BCAS2: variants seen among roughly 807,000 people sequenced by gnomAD.
BCAS2 encodes BCAS2 pre-mRNA processing factor.
BCAS2 carries 34 observed loss-of-function variants against 35.3 expected under a neutral mutation model. That is an observed-to-expected ratio of 0.96 (90% CI 0.73 to 1.28). The LOEUF is 1.28. Ranked by LOEUF, BCAS2 falls within the 50% of genes most tolerant of loss-of-function variation. The probability of loss-of-function intolerance (pLI) is 0.00; values close to 1 mark genes in which losing one functional copy is unlikely to be tolerated. For missense variants in BCAS2, 221 were observed against 268.1 expected (o/e 0.82, Z 1.23); for synonymous variants, 75 against 91.6 (o/e 0.82, Z 1.03).
chr1:114,569,925 C>A, intron 6 of BCAS2, 67 bp downstream of exon 6: 1 of 1,234,578 alleles, frequency 8.1e-7, no homozygotes, highest in South Asian at 1.3e-5. Flanking sequence ...CTATTTGAAT[C>A]ATATTATTGA....
At chr1:114,570,641 T>C (rs1484593707) in intron 5 of BCAS2, 59 bp downstream of exon 5, 1 of 1,171,168 alleles carries the variant, frequency 8.5e-7, no homozygotes, top group Non-Finnish European at 1.2e-6. Flanking sequence ...TTTCCTCCTA[T>C]TTTCTATTTA....
At chr1:114,578,347 C>A (rs1205382132) in intron 2 of BCAS2, among the ~76,000 whole-genome samples, 2 of 151,148 alleles carry the variant, frequency 1.3e-5, no homozygotes, top group South Asian at 2.1e-4. Flanking sequence ...AAAAAAAAAA[C>A]CAGGGCATTC....
chr1:114,572,312 C>T (rs1242149718), intron 4 of BCAS2, among the ~76,000 whole-genome samples: 1 of 152,196 alleles, frequency 6.6e-6, no homozygotes, highest in Non-Finnish European at 1.5e-5. Flanking sequence ...ACAATCACTC[C>T]ATGCTGAGCA....
intron 2 of BCAS2, among the ~76,000 whole-genome samples, chr1:114,578,087 G>A (rs1380153772): frequency 6.6e-6 from 1 of 152,164 alleles, no homozygotes; most frequent in Non-Finnish European, 1.5e-5. Context: ...GATACTCGGA[G>A]GCTGAGGCAG....
chr1:114,574,854 C>T (rs1654721739), intron 4 of BCAS2, among the ~76,000 whole-genome samples: 1 of 152,058 alleles, frequency 6.6e-6, no homozygotes, highest in Admixed American at 6.6e-5. Context: ...ACTTCCCCTA[C>T]CCATACTTTG....
intron 4 of BCAS2, among the ~76,000 whole-genome samples, chr1:114,574,080 G>A (rs1447658857): frequency 6.6e-6 from 1 of 152,142 alleles, no homozygotes; most frequent in African/African-American, 2.4e-5. Flanking sequence ...TTGCAAGCAA[G>A]GAATCTGAAT....
In BCAS2 at chr1:114,567,959, T is replaced by C; in HGVS notation, c.*171A>G. ...AATACCACCAAGCTAGACATTTTAA[T>C]TCTGTTGAGATATACAAATAGAATT... is the stretch of plus-strand genomic sequence containing the variant. On this transcript the variant is annotated 3_prime_UTR_variant, in exon 7 of 7. Transcript: ENST00000369541. The C allele has an allele frequency of 1.2e-6, 1 of 831,286 alleles. No homozygotes were observed. Among genetic ancestry groups the C allele is most frequent in the Non-Finnish European group, 1.8e-6 (1 of 551,470 alleles). 51.5% of individuals were successfully genotyped at this position (831,286 alleles called of 1,614,324 possible). A position where few individuals can be genotyped will look rare whatever the true frequency, so the allele number is the denominator to read the frequency against.
intron 2 of BCAS2, among the ~76,000 whole-genome samples, chr1:114,578,977 C>T (rs1026159798): frequency 6.6e-5 from 10 of 152,136 alleles, no homozygotes; most frequent in African/African-American, 2.2e-4. Flanking sequence ...ATATTACCAA[C>T]TATTACTAAG....
intron 3 of BCAS2, among the ~76,000 whole-genome samples, chr1:114,576,247 CTA>C (rs67885657): frequency 0.022 from 2,911 of 131,524 alleles, 51 homozygotes; most frequent in African/African-American, 0.045. Flanking sequence ...CTCTCTCTCT[CTA>C]TATATATATA....
At chr1:114,573,531 T>A (rs1156478811) in intron 4 of BCAS2, among the ~76,000 whole-genome samples, 1 of 152,164 alleles carries the variant, frequency 6.6e-6, no homozygotes, top group Non-Finnish European at 1.5e-5. Flanking sequence ...CGCCTGGCAA[T>A]GCCCCATCTC....
chr1:114,581,549 C>A lies in BCAS2; in HGVS notation c.43G>T (p.Ala15Ser), dbSNP rs142444370. 1.2e-5 allele frequency: 20 copies of A among 1,613,746 alleles called. No individual in the cohort carries two copies. Among genetic ancestry groups the A allele is most frequent in the Non-Finnish European group, 1.6e-5 (19 of 1,180,046 alleles). ...TAACCTTGATCAAAATACGGCAGCGCATCCACCACAACCTCTCCAGCCACC... is the reference window on the plus strand; with the variant it reads ...TAACCTTGATCAAAATACGGCAGCGAATCCACCACAACCTCTCCAGCCACC... ...GLVAGEVVVD[A>S]LPYFDQGYEA... Residue 15 changes from alanine to serine, a missense_variant, in exon 1 of 7, where the codon GCG (alanine) becomes TCG (serine). Transcript: ENST00000369541.
intron 4 of BCAS2, among the ~76,000 whole-genome samples, chr1:114,572,759 T>G (rs1217541547): frequency 6.6e-6 from 1 of 152,048 alleles, no homozygotes; most frequent in Non-Finnish European, 1.5e-5. Context: ...GAGAAAGGAC[T>G]AGTTTGGGTT....
chr1:114,577,424 G>A (rs1397684028), intron 2 of BCAS2, among the ~76,000 whole-genome samples: 3 of 152,008 alleles, frequency 2.0e-5, no homozygotes, highest in Non-Finnish European at 4.4e-5. Context: ...CCAGGCTGGA[G>A]CGCAATGGCG....
At chr1:114,577,969 G>C (rs1021400529) in intron 2 of BCAS2, among the ~76,000 whole-genome samples, 4 of 152,148 alleles carry the variant, frequency 2.6e-5, no homozygotes, top group African/African-American at 9.7e-5. Context: ...GAGGTGGGTG[G>C]ATCACGAGGT....
intron 6 of BCAS2, among the ~76,000 whole-genome samples, chr1:114,569,616 C>T (rs1432473392): frequency 6.6e-6 from 1 of 151,358 alleles, no homozygotes; most frequent in Non-Finnish European, 1.5e-5. Context: ...AATCCTCCTG[C>T]CTCAGCCTCC....
intron 4 of BCAS2, among the ~76,000 whole-genome samples, chr1:114,574,281 T>A (rs569424221): frequency 1.1e-4 from 16 of 152,362 alleles, no homozygotes; most frequent in African/African-American, 3.8e-4. Context: ...AGCATGCACA[T>A]TTTCAGCTGA....
chr1:114,573,439 C>T (rs1479092824), intron 4 of BCAS2, among the ~76,000 whole-genome samples: 1 of 151,872 alleles, frequency 6.6e-6, no homozygotes, highest in Non-Finnish European at 1.5e-5. Flanking sequence ...ACTTACGTTG[C>T]CCAGGCTGGT....
In BCAS2 at chr1:114,568,170, T is replaced by C. The variant is rs1465898554; in HGVS notation, c.638A>G (p.His213Arg). The C allele has an allele frequency of 3.1e-6, 5 of 1,613,520 alleles. No homozygotes were observed. In the South Asian group the frequency reaches 4.4e-5, roughly 14 times the overall value. ...ENEIYQIKQQ[H>R]GEANKENIRQ... Reference sequence around the variant, plus strand: ...GATGTTTTCTTTGTTTGCCTCTCCATGTTGCTGCTTAATTTGATAGATTTC... The same window carrying C: ...GATGTTTTCTTTGTTTGCCTCTCCACGTTGCTGCTTAATTTGATAGATTTC... The change falls in exon 7 of 7, where the codon CAT becomes CGT. Residue 213 changes from histidine (H) to arginine (R), a missense_variant. By Grantham distance (29) the His-to-Arg change is conservative. Transcript: ENST00000369541.
At chr1:114,570,901 T>C (rs998700280) in intron 4 of BCAS2, 151 bp from the exon 5 acceptor site, 1 of 641,830 alleles carries the variant, frequency 1.6e-6, no homozygotes, top group East Asian at 2.8e-5. Flanking sequence ...CTGTCACTCA[T>C]GCTGGAATGC....
Sources: gnomAD v4.1 joint callset for allele counts (sites outside exome capture counted in the v4.1 genomes callset) on GRCh38, gnomAD v4.1.1 for gene constraint, MANE v1.5 for transcripts, NCBI Gene and HGNC (gene_info 2026-07-23, HGNC 2026-07-21) for gene names.